Variants in KCNIP1 observed in about 807,000 individuals in gnomAD.
KCNIP1 encodes the protein A-type potassium channel modulatory protein KCNIP1.
A neutral mutation model predicts 33.0 loss-of-function variants in KCNIP1; 18 were observed. That is an observed-to-expected ratio of 0.55 (90% CI 0.38 to 0.81). KCNIP1 has a LOEUF of 0.81. Among genes scored for constraint, KCNIP1 ranks in the 30% least tolerant of loss-of-function variants. The probability of loss-of-function intolerance (pLI) is 0.00; values close to 1 mark genes in which losing one functional copy is unlikely to be tolerated. For missense variants in KCNIP1, 238 were observed against 271.6 expected (o/e 0.88, Z 0.87); for synonymous variants, 93 against 98.3 (o/e 0.95, Z 0.32).
chr5:170,441,522 T>C (rs968741501), intron 1 of KCNIP1, among the ~76,000 whole-genome samples: 1 of 152,086 alleles, frequency 6.6e-6, no homozygotes, highest in African/African-American at 2.4e-5. Context: ...ATGGTGTTTC[T>C]ATCTCAGCCA....
At chr5:170,699,555 TGAAAAAA>T (rs1249534909) in intron 1 of KCNIP1, among the ~76,000 whole-genome samples, 6,083 of 118,218 alleles carry the variant, frequency 0.051, 320 homozygotes, top group African/African-American at 0.15. Flanking sequence ...AATTGCTCTG[TGAAAAAA>T]AAAAAAAAAA....
At chr5:170,643,633 C>T (rs754338375) in intron 1 of KCNIP1, among the ~76,000 whole-genome samples, 10 of 152,262 alleles carry the variant, frequency 6.6e-5, no homozygotes, top group Non-Finnish European at 1.0e-4. Context: ...AAACTATCCA[C>T]GGCTGCTGTG....
chr5:170,411,771 G>A (rs1755196354), intron 1 of KCNIP1, among the ~76,000 whole-genome samples: 1 of 152,160 alleles, frequency 6.6e-6, no homozygotes, highest in African/African-American at 2.4e-5. Context: ...TAGCTGGAGA[G>A]ATGAAACACA....
At position 170,543,597 on chromosome 5, in the gene KCNIP1, A is replaced by G. The variant is rs371115396; in HGVS notation, c.61+38964A>G. 2.8e-3 allele frequency among the ~76,000 whole-genome samples: 424 copies of G among 152,334 alleles called. 1 individual carries two copies. The highest frequency in any genetic ancestry group is 4.6e-3 in the Non-Finnish European group (315 of 68,030). ...GATTTTGTTTGACTTTCACAGCACAATAAATAAAGAGGGTCATTTGGGGCA... is the reference window on the plus strand; with the variant it reads ...GATTTTGTTTGACTTTCACAGCACAGTAAATAAAGAGGGTCATTTGGGGCA... On this transcript the variant is annotated intron_variant, in intron 1 of 7. Coordinates refer to ENST00000328939, the MANE Select transcript of KCNIP1 (RefSeq NM_014592.4).
At chr5:170,433,778 T>C (rs1415581296) in intron 1 of KCNIP1, among the ~76,000 whole-genome samples, 1 of 152,220 alleles carries the variant, frequency 6.6e-6, no homozygotes, top group Admixed American at 6.5e-5. Flanking sequence ...CACTGTTTCA[T>C]TTAACGTTTA....
intron 1 of KCNIP1, among the ~76,000 whole-genome samples, chr5:170,695,916 G>A (rs1019152664): frequency 3.3e-5 from 5 of 151,952 alleles, no homozygotes; most frequent in African/African-American, 7.3e-5. Context: ...CTACTTGGAA[G>A]GCTGAGGCAG....
At chr5:170,516,146 T>G (rs992574481) in intron 1 of KCNIP1, among the ~76,000 whole-genome samples, 1 of 152,100 alleles carries the variant, frequency 6.6e-6, no homozygotes, top group Non-Finnish European at 1.5e-5. Flanking sequence ...TAGGAGGTAG[T>G]AGACAGCAAG....
At chr5:170,640,743 A>T (rs1336489481) in intron 1 of KCNIP1, among the ~76,000 whole-genome samples, 2 of 152,140 alleles carry the variant, frequency 1.3e-5, no homozygotes, top group Non-Finnish European at 2.9e-5. Context: ...AGTATTTAAG[A>T]TCCTCGGCCC....
At chr5:170,732,963 G>A (rs894603620) in intron 6 of KCNIP1, 59 bp downstream of exon 6, 46 of 974,792 alleles carry the variant, frequency 4.7e-5, no homozygotes, top group Non-Finnish European at 6.1e-5. Flanking sequence ...GTCAACCCAC[G>A]AGCATCTGAG....
intron 1 of KCNIP1, among the ~76,000 whole-genome samples, chr5:170,421,351 T>C (rs1755485863): frequency 6.6e-6 from 1 of 152,204 alleles, no homozygotes; most frequent in African/African-American, 2.4e-5. Flanking sequence ...GTGAAGGGCT[T>C]CTCCCCAGAA....
intron 1 of KCNIP1, among the ~76,000 whole-genome samples, chr5:170,603,419 C>T (rs988717308): frequency 6.6e-6 from 1 of 152,210 alleles, no homozygotes; most frequent in African/African-American, 2.4e-5. Context: ...AACGGATTTA[C>T]TGGTTCCATG....
At chr5:170,393,656 C>T (rs186900212) in intron 1 of KCNIP1, among the ~76,000 whole-genome samples, 1 of 152,274 alleles carries the variant, frequency 6.6e-6, no homozygotes. Context: ...GTTGAGATGA[C>T]AAAGTATAAC....
In KCNIP1 at chr5:170,652,983, G is replaced by A. The variant is rs75522946; in HGVS notation, c.62-65775G>A. On this transcript the variant is annotated intron_variant, in intron 1 of 7. Coordinates refer to ENST00000328939, the MANE Select transcript of KCNIP1 (RefSeq NM_014592.4). Reference sequence around the variant, plus strand: ...GCTGACATTTAGGTTGATTCTGAAAGTCAGTAGGCCCAGATTTTCACTCTT... The same window carrying A: ...GCTGACATTTAGGTTGATTCTGAAAATCAGTAGGCCCAGATTTTCACTCTT... Among the ~76,000 whole-genome samples, 1,121 of 152,310 alleles carry A rather than the reference G, an allele frequency of 7.4e-3. 10 individuals carry two copies. Among genetic ancestry groups the A allele is most frequent in the African/African-American group, 0.026 (1,060 of 41,566 alleles).
At chr5:170,368,949 C>T (rs556437506) in intron 1 of KCNIP1, among the ~76,000 whole-genome samples, 14 of 152,122 alleles carry the variant, frequency 9.2e-5, no homozygotes, top group South Asian at 2.1e-4. Flanking sequence ...AACACAAATT[C>T]GCATGTGCAC....
chr5:170,560,901 C>T (rs1757013770), intron 1 of KCNIP1, among the ~76,000 whole-genome samples: 3 of 152,124 alleles, frequency 2.0e-5, no homozygotes, highest in Admixed American at 6.5e-5. Flanking sequence ...CCTTCCTCCC[C>T]AGATTCTCCC....
intron 1 of KCNIP1, among the ~76,000 whole-genome samples, chr5:170,460,455 A>C (rs1239153314): frequency 1.3e-5 from 2 of 152,244 alleles, no homozygotes; most frequent in African/African-American, 4.8e-5. Context: ...ATGCTAGCTA[A>C]CCGAATCCAA....
chr5:170,594,001 A>C (rs528122988), intron 1 of KCNIP1, among the ~76,000 whole-genome samples: 34 of 152,362 alleles, frequency 2.2e-4, no homozygotes, highest in Non-Finnish European at 4.1e-4. Flanking sequence ...TCTTCATTCA[A>C]TCTTGTGTCA....
intron 1 of KCNIP1, among the ~76,000 whole-genome samples, chr5:170,654,861 T>C (rs1761199148): frequency 6.6e-6 from 1 of 152,252 alleles, no homozygotes; most frequent in Non-Finnish European, 1.5e-5. Context: ...TAAGATAATG[T>C]TAAGCTAACG....
intron 1 of KCNIP1, among the ~76,000 whole-genome samples, chr5:170,674,177 A>G (rs56203114): frequency 0.33 from 16,199 of 49,124 alleles, 2,317 homozygotes; most frequent in East Asian, 0.47. Context: ...GGAAGGAAGG[A>G]AGGAAGGGAG....
Sources: allele counts gnomAD v4.1 joint callset (sites outside exome capture counted in the v4.1 genomes callset), GRCh38; gene constraint gnomAD v4.1.1; transcripts MANE v1.5; gene names NCBI Gene and HGNC (gene_info 2026-07-23, HGNC 2026-07-21).